ACOXL: variants seen among roughly 807,000 people sequenced by gnomAD.
ACOXL encodes the protein acyl-coenzyme A oxidase-like protein.
A neutral mutation model predicts 71.9 loss-of-function variants in ACOXL; 70 were observed. The observed-to-expected ratio is 0.97, with a 90% CI of 0.80 to 1.19. The LOEUF (loss-of-function observed/expected upper bound fraction) is 1.19, where lower values mean the gene tolerates loss of function less well. Among genes scored for constraint, ACOXL ranks in the 50% most tolerant of loss-of-function variants. The pLI is 0.00. For synonymous variants in ACOXL, 253 were observed against 281.6 expected (o/e 0.90, Z 1.02); for missense variants, 703 against 736.3 (o/e 0.95, Z 0.52).
chr2:111,102,403 A>G (rs1338681618), intron 17 of ACOXL, among the ~76,000 whole-genome samples: 1 of 152,164 alleles, frequency 6.6e-6, no homozygotes, highest in Non-Finnish European at 1.5e-5. Flanking sequence ...AGCTGGGATC[A>G]TTCTATTTTC....
intron 11 of ACOXL, among the ~76,000 whole-genome samples, chr2:110,917,431 A>T (rs1574112191): frequency 1.3e-5 from 2 of 152,210 alleles, no homozygotes; most frequent in African/African-American, 4.8e-5. Context: ...TCTATGACAA[A>T]CCCACAGCCA....
At chr2:111,007,756 A>G (rs2063944069) in intron 14 of ACOXL, among the ~76,000 whole-genome samples, 1 of 152,198 alleles carries the variant, frequency 6.6e-6, no homozygotes, top group Non-Finnish European at 1.5e-5. Context: ...TGCTGCTTCT[A>G]GGCCTACCCA....
At position 110,864,131 on chromosome 2, in the gene ACOXL, G is replaced by T. The variant is rs1046021828; in HGVS notation, c.788+22726G>T. 7.9e-5 allele frequency among the ~76,000 whole-genome samples: 12 copies of T among 152,224 alleles called. No homozygotes were observed. The East Asian group carries it at 2.1e-3, about 27-fold the overall frequency. ...AAAGATGATCAACGTTTCAGCAGGC[G>T]CCATGAGAGCCAAAGACCCAAGTGC... On this transcript the variant is annotated intron_variant, in intron 10 of 17. Coordinates refer to ENST00000439055, the MANE Select transcript of ACOXL (RefSeq NM_001142807.4).
At chr2:110,810,512 C>T (rs533189344) in intron 9 of ACOXL, among the ~76,000 whole-genome samples, 2 of 151,712 alleles carry the variant, frequency 1.3e-5, no homozygotes, top group African/African-American at 4.8e-5. Context: ...CACCCATTCA[C>T]CCACCACCCA....
chr2:110,940,503 A>G lies in ACOXL; in HGVS notation c.1059+6861A>G, dbSNP rs990200056. Among the ~76,000 whole-genome samples, 152 of 152,324 alleles carry G rather than the reference A, an allele frequency of 1.0e-3. 1 individual carries two copies. Among genetic ancestry groups the G allele is most frequent in the African/African-American group, 3.4e-3 (141 of 41,572 alleles). On this transcript the variant is annotated intron_variant, in intron 12 of 17. Coordinates refer to ENST00000439055, the MANE Select transcript of ACOXL (RefSeq NM_001142807.4). The stretch of plus-strand genomic sequence containing the variant: ...AAGTGGGAAAGAGATAAAGGCCTCC[A>G]AATGTCTCCTGAGCATTGACACAGA...
intron 10 of ACOXL, among the ~76,000 whole-genome samples, chr2:110,847,067 G>T (rs981480152): frequency 1.3e-5 from 2 of 151,958 alleles, no homozygotes; most frequent in Non-Finnish European, 2.9e-5. Flanking sequence ...GAGGTTTTTG[G>T]GTGGAATCCA....
At chr2:110,818,408 A>ATATATAT (rs1279476284) in intron 9 of ACOXL, among the ~76,000 whole-genome samples, 9 of 131,688 alleles carry the variant, frequency 6.8e-5, no homozygotes, top group African/African-American at 2.7e-4. Context: ...AAAAAAAAAA[A>ATATATAT]ACATATATAT....
At chr2:110,882,486 TTA>T (rs1387419979) in intron 10 of ACOXL, among the ~76,000 whole-genome samples, 1 of 152,178 alleles carries the variant, frequency 6.6e-6, no homozygotes, top group Non-Finnish European at 1.5e-5. Context: ...ACCCAACATA[TTA>T]TTTTTTTTCT....
chr2:111,112,660 C>A (rs1052219456), intron 17 of ACOXL, among the ~76,000 whole-genome samples: 1 of 152,224 alleles, frequency 6.6e-6, no homozygotes, highest in Non-Finnish European at 1.5e-5. Context: ...AGGTTAACTA[C>A]TTGATTGTGC....
intron 12 of ACOXL, among the ~76,000 whole-genome samples, chr2:110,962,818 C>T (rs1287958854): frequency 6.6e-6 from 1 of 152,234 alleles, no homozygotes; most frequent in Non-Finnish European, 1.5e-5. Flanking sequence ...ACAGTCAGCT[C>T]TGACGTGACT....
intron 10 of ACOXL, among the ~76,000 whole-genome samples, chr2:110,850,884 A>G (rs1000938821): frequency 2.2e-4 from 33 of 152,326 alleles, no homozygotes; most frequent in Admixed American, 6.5e-5. Context: ...CTCCATTCAT[A>G]ATAGCCTCAA....
At chr2:110,744,220 C>G (rs1244271093) in intron 1 of ACOXL, among the ~76,000 whole-genome samples, 1 of 152,038 alleles carries the variant, frequency 6.6e-6, no homozygotes, top group Non-Finnish European at 1.5e-5. Context: ...TGTAAAAGGC[C>G]AAGAGACCCA....
intron 16 of ACOXL, among the ~76,000 whole-genome samples, chr2:111,089,898 T>C (rs1429408116): frequency 1.3e-5 from 2 of 152,166 alleles, no homozygotes; most frequent in African/African-American, 2.4e-5. Flanking sequence ...ATAAGACACC[T>C]TGGAGAAGAG....
At position 110,985,577 on chromosome 2, in the gene ACOXL, C is replaced by T. The variant is rs1486489915; in HGVS notation, c.1060-1531C>T. Among the ~76,000 whole-genome samples the T allele has an allele frequency of 4.6e-5, 7 of 152,142 alleles. 1 individual carries two copies. In the East Asian group the frequency reaches 1.3e-3, roughly 29 times the overall value. On this transcript the variant is annotated intron_variant, in intron 12 of 17. Transcript: ENST00000439055. ...ACTGTGTCAGCCTCGAATGCAGATG[C>T]CCAGGCTTATGGTCCAGTCACACCT...
At chr2:111,010,769 A>C (rs1019592412) in intron 14 of ACOXL, among the ~76,000 whole-genome samples, 1 of 152,200 alleles carries the variant, frequency 6.6e-6, no homozygotes, top group African/African-American at 2.4e-5. Context: ...TTGTATAGCC[A>C]AAGGACAATA....
At chr2:110,920,144 G>A (rs755701017) in intron 11 of ACOXL, among the ~76,000 whole-genome samples, 4 of 152,174 alleles carry the variant, frequency 2.6e-5, no homozygotes, top group South Asian at 2.1e-4. Context: ...AATTGCTAAC[G>A]TGTTTTCCAA....
chr2:110,974,486 C>T (rs753601880), intron 12 of ACOXL, among the ~76,000 whole-genome samples: 1 of 152,320 alleles, frequency 6.6e-6, no homozygotes, highest in East Asian at 1.9e-4. Context: ...CAATTACTAC[C>T]CACACCCATG....
intron 2 of ACOXL, among the ~76,000 whole-genome samples, chr2:110,776,099 G>A (rs1325244532): frequency 1.3e-5 from 2 of 152,210 alleles, no homozygotes; most frequent in East Asian, 3.8e-4. Flanking sequence ...TAAAAGGGAA[G>A]GGAATTTTAA....
intron 1 of ACOXL, among the ~76,000 whole-genome samples, chr2:110,765,847 G>T (rs751342122): frequency 2.0e-5 from 3 of 152,124 alleles, no homozygotes; most frequent in African/African-American, 4.8e-5. Context: ...ATACATTTTG[G>T]AGGACATACA....
Sources: gnomAD v4.1 joint callset for allele counts (sites outside exome capture counted in the v4.1 genomes callset) on GRCh38, gnomAD v4.1.1 for gene constraint, MANE v1.5 for transcripts, NCBI Gene and HGNC (gene_info 2026-07-23, HGNC 2026-07-21) for gene names.